OSBPL1A: variants seen among roughly 807,000 people sequenced by gnomAD.
The protein encoded by OSBPL1A is oxysterol binding protein like 1A.
A neutral mutation model predicts 137.1 loss-of-function variants in OSBPL1A; 80 were observed. The ratio of observed to expected loss-of-function variants is 0.58; its 90% CI spans 0.49 to 0.70. The LOEUF is 0.70. Ranked by LOEUF, OSBPL1A falls within the 30% of genes least tolerant of loss-of-function variation. The pLI is 0.00. For synonymous variants in OSBPL1A, 365 were observed against 389.7 expected, an observed-to-expected ratio of 0.94 and a Z score of 0.75; for missense variants, 970 against 1,129.4, an observed-to-expected ratio of 0.86 and a Z score of 2.02.
rs543867145 is a variant in OSBPL1A, at chr18:24,258,925, CTTTTTTTTTTT to C, written c.1282-19554_1282-19544del. 1.1e-3 allele frequency among the ~76,000 whole-genome samples: 106 copies of C among 92,754 alleles called. 1 individual carries two copies. The highest frequency in any genetic ancestry group is 4.0e-3 in the African/African-American group (97 of 24,378). The allele number at this position is 92,754 out of a possible 152,430, so 60.9% of individuals were successfully genotyped here. On this transcript the variant is annotated intron_variant, in intron 15 of 27. Transcript: ENST00000319481. ...TTAAAGTCTATTTTTAAAATTACAT[CTTTTTTTTTTT>C]TTTTTTTTTTTTTTTAAATTGAGAC...
rs141555394 is a variant in OSBPL1A at position 24,231,350 on chromosome 18, T to G, written c.1445-6152A>C. ...CTCTGGCACCCAGTCTGGAGTGCAG[T>G]GGCGTGATCTCAGTTCACTGCAACC... On this transcript the variant is annotated intron_variant, in intron 16 of 27. Transcript: ENST00000319481. Among the ~76,000 whole-genome samples, 463 of 152,302 alleles carry G rather than the reference T, an allele frequency of 3.0e-3. 2 individuals are homozygous for G. The highest frequency in any genetic ancestry group is 0.011 in the African/African-American group (439 of 41,570).
intron 24 of OSBPL1A, among the ~76,000 whole-genome samples, chr18:24,168,320 A>C (rs77096941): frequency 0.05 from 7,664 of 152,212 alleles, 416 homozygotes; most frequent in East Asian, 0.16. Context: ...CGTGGAGCTC[A>C]CACACCAGAG....
At chr18:24,345,480 A>G (rs1441370027) in intron 4 of OSBPL1A, among the ~76,000 whole-genome samples, 1 of 152,168 alleles carries the variant, frequency 6.6e-6, no homozygotes, top group Non-Finnish European at 1.5e-5. Flanking sequence ...TGAGATCAGG[A>G]GTTCAAGACC....
At chr18:24,267,846 T>G (rs1190163560) in intron 15 of OSBPL1A, among the ~76,000 whole-genome samples, 1 of 127,856 alleles carries the variant, frequency 7.8e-6, no homozygotes, top group Admixed American at 7.3e-5. Context: ...AGGTATGCCT[T>G]TTTTTTTTTT....
chr18:24,203,771 T>G (rs1422636270), intron 17 of OSBPL1A, among the ~76,000 whole-genome samples: 1 of 152,216 alleles, frequency 6.6e-6, no homozygotes, highest in East Asian at 1.9e-4. Flanking sequence ...AGGGGTGTGC[T>G]GCCCTTCATA....
intron 4 of OSBPL1A, among the ~76,000 whole-genome samples, chr18:24,361,996 C>CAAAAAAAA (rs200189504): frequency 1.9e-5 from 1 of 52,168 alleles, no homozygotes; most frequent in Non-Finnish European, 4.0e-5. Context: ...GACTCCATCT[C>CAAAAAAAA]AAAAAAAAAA....
chr18:24,275,045 ACAAG>A (rs2089814781), intron 15 of OSBPL1A, among the ~76,000 whole-genome samples: 2 of 152,196 alleles, frequency 1.3e-5, no homozygotes, highest in South Asian at 4.1e-4. Flanking sequence ...CCTTCAGAGG[ACAAG>A]CAAGACAATT....
chr18:24,198,811 G>A (rs2087117292), intron 17 of OSBPL1A, among the ~76,000 whole-genome samples: 1 of 152,026 alleles, frequency 6.6e-6, no homozygotes, highest in Middle Eastern at 3.4e-3. Flanking sequence ...AGGGCAACCT[G>A]AGCTGGGACT....
intron 15 of OSBPL1A, among the ~76,000 whole-genome samples, chr18:24,256,964 CAAAAAAAAAAAAA>C (rs201880387): frequency 4.4e-4 from 13 of 29,510 alleles, no homozygotes; most frequent in South Asian, 2.3e-3. Flanking sequence ...GAAGAGGATG[CAAAAAAAAAAAAA>C]AAAAAAAAAA....
chr18:24,362,327 T>C (rs923259573), intron 4 of OSBPL1A, among the ~76,000 whole-genome samples: 1 of 152,162 alleles, frequency 6.6e-6, no homozygotes, highest in African/African-American at 2.4e-5. Context: ...AAGTCAAGCA[T>C]AGAAATTAAC....
chr18:24,214,972 ACT>A (rs1289647208), intron 17 of OSBPL1A, among the ~76,000 whole-genome samples: 3 of 152,174 alleles, frequency 2.0e-5, no homozygotes, highest in Admixed American at 1.3e-4. Context: ...GCCTGATTTA[ACT>A]CTGTTTATAA....
Position 24,328,389 on chromosome 18 carries a change from T to C in OSBPL1A, c.625+4553A>G, listed in dbSNP as rs917451431. On this transcript the variant is annotated intron_variant, in intron 7 of 27. Transcript: ENST00000319481. ...TCTCACTTTGACATCAATATTTGCT[T>C]TTGTAACTCTTAGTTTATCCTTTTC... Among the ~76,000 whole-genome samples, 137 of 151,970 alleles carry C rather than the reference T, an allele frequency of 9.0e-4. 1 individual carries two copies. The Middle Eastern group carries it at 0.014, about 15-fold the overall frequency.
At chr18:24,254,465 A>G (rs2089207837) in intron 15 of OSBPL1A, among the ~76,000 whole-genome samples, 1 of 152,262 alleles carries the variant, frequency 6.6e-6, no homozygotes. Context: ...ACAAGTCTTA[A>G]AGCATACAGA....
chr18:24,163,154 C>T lies in OSBPL1A; in HGVS notation c.*25G>A. On this transcript the variant is annotated 3_prime_UTR_variant, in exon 28 of 28. Coordinates refer to ENST00000319481, the MANE Select transcript of OSBPL1A (RefSeq NM_080597.4). The stretch of plus-strand genomic sequence containing the variant: ...GGTTTAAGACTTATTTGTAGATTAG[C>T]CAAACACCCTGACTTGTATGCATTT... The T allele has an allele frequency of 6.5e-7, 1 of 1,532,188 alleles. No individual in the cohort carries two copies. The highest frequency in any genetic ancestry group is 9.0e-7 in the Non-Finnish European group (1 of 1,111,978). The allele number at this position is 1,532,188 out of a possible 1,614,324, so 94.9% of individuals were successfully genotyped here.
At chr18:24,222,666 C>T (rs752052581) in intron 17 of OSBPL1A, among the ~76,000 whole-genome samples, 8 of 152,066 alleles carry the variant, frequency 5.3e-5, no homozygotes, top group Non-Finnish European at 1.2e-4. Flanking sequence ...ACTTCTGTTG[C>T]ACAAATAGTT....
intron 17 of OSBPL1A, among the ~76,000 whole-genome samples, chr18:24,199,037 T>C (rs369383730): frequency 6.6e-6 from 1 of 151,800 alleles, no homozygotes; most frequent in East Asian, 1.9e-4. Context: ...TTTGTTATCT[T>C]TAGTAAAGAT....
At chr18:24,228,594 C>T (rs1487051824) in intron 16 of OSBPL1A, among the ~76,000 whole-genome samples, 1 of 152,132 alleles carries the variant, frequency 6.6e-6, no homozygotes, top group Non-Finnish European at 1.5e-5. Context: ...CAAACGAGTT[C>T]AGTAGATTTC....
chr18:24,330,225 C>T (rs1218780112), intron 7 of OSBPL1A, among the ~76,000 whole-genome samples: 2 of 152,202 alleles, frequency 1.3e-5, no homozygotes, highest in East Asian at 3.9e-4. Flanking sequence ...TTGGGATGAC[C>T]TCCGACTGCT....
chr18:24,203,196 C>T (rs1035559215), intron 17 of OSBPL1A, among the ~76,000 whole-genome samples: 8 of 149,286 alleles, frequency 5.4e-5, no homozygotes, highest in Admixed American at 4.7e-4. Context: ...AGGCTGGTCT[C>T]GAACTCCTGA....
Sources: allele counts gnomAD v4.1 joint callset (sites outside exome capture counted in the v4.1 genomes callset), GRCh38; gene constraint gnomAD v4.1.1; transcripts MANE v1.5; gene names NCBI Gene and HGNC (gene_info 2026-07-23, HGNC 2026-07-21).